CLGN: variants seen among roughly 807,000 people sequenced by gnomAD.
CLGN encodes the protein calmegin.
A neutral mutation model predicts 79.1 loss-of-function variants in CLGN; 62 were observed. That is an observed-to-expected ratio of 0.78 (90% confidence interval 0.64 to 0.97). CLGN has a LOEUF of 0.97. Among genes scored for constraint, CLGN ranks in the 50% least tolerant of loss-of-function variants. The pLI is 0.00. For missense variants in CLGN, 647 were observed against 715.5 expected, an observed-to-expected ratio of 0.90 and a Z score of 1.09; for synonymous variants, 225 against 224.7, an observed-to-expected ratio of 1.00 and a Z score of -0.01.
At position 140,390,727 on chromosome 4, in the gene CLGN, T is replaced by C; in HGVS notation, c.1653A>G (p.Glu551=). ...KQNDGEMLEK[E]EESEPEEKSE... ...TCTTTTCCTCAGGTTCACTTTCCTC[T>C]TCTAGAATACAGATTTTGTTAAAAG... The change falls in exon 14 of 15, where the codon GAA becomes GAG. Residue 551 remains glutamate, a splice_region_variant and synonymous_variant. Coordinates refer to ENST00000325617, the MANE Select transcript of CLGN (RefSeq NM_004362.3). 1 of 1,593,824 alleles carries C rather than the reference T, an allele frequency of 6.3e-7. No individual in the cohort carries two copies. The highest frequency in any genetic ancestry group is 8.6e-7 in the Non-Finnish European group (1 of 1,167,660).
chr4:140,392,162 T>C (rs1560737854), intron 13 of CLGN, 57 bp downstream of exon 13: 7 of 1,567,480 alleles, frequency 4.5e-6, no homozygotes, highest in Admixed American at 1.8e-5. Context: ...CAAGGCCATA[T>C]ACAGTTTTAT....
chr4:140,417,849 T>C (rs1248500533), intron 1 of CLGN, among the ~76,000 whole-genome samples: 1 of 150,160 alleles, frequency 6.7e-6, no homozygotes, highest in Non-Finnish European at 1.5e-5. Flanking sequence ...TGGAAAAAAC[T>C]ACTTTAAAGT....
intron 4 of CLGN, among the ~76,000 whole-genome samples, chr4:140,408,379 A>C (rs1393870387): frequency 1.3e-5 from 2 of 152,218 alleles, no homozygotes; most frequent in Admixed American, 6.5e-5. Flanking sequence ...AATAATCATC[A>C]GAGTAAACAG....
chr4:140,409,098 G>T (rs1189630342), intron 4 of CLGN, among the ~76,000 whole-genome samples: 1 of 151,930 alleles, frequency 6.6e-6, no homozygotes, highest in Admixed American at 6.6e-5. Flanking sequence ...CTGTTTTGCT[G>T]TTGTGATGTA....
intron 6 of CLGN, 41 bp from the exon 7 acceptor site, chr4:140,400,590 A>G: frequency 7.7e-7 from 1 of 1,296,544 alleles, no homozygotes; most frequent in Non-Finnish European, 1.1e-6. Flanking sequence ...CCAGAATCAC[A>G]GACTATTTAA....
In CLGN at chr4:140,393,904, G is replaced by C. The variant is rs765625742; in HGVS notation, c.1287C>G (p.Ile429Met). Residue 429 changes from isoleucine (I) to methionine (M), a missense_variant, in exon 11 of 15, where the codon ATC becomes ATG. Coordinates refer to ENST00000325617, the MANE Select transcript of CLGN (RefSeq NM_004362.3). Reference protein sequence around the residue: ...TSDIYFDNFIICSEKEVADHW... With the variant: ...TSDIYFDNFIMCSEKEVADHW... Reference sequence around the variant, plus strand: ...GATCTGCTACTTCCTTTTCCGAACAGATAATAAAATTATCAAAGTAGATAT... The same window carrying C: ...GATCTGCTACTTCCTTTTCCGAACACATAATAAAATTATCAAAGTAGATAT... 1.2e-6 allele frequency: 2 copies of C among 1,613,640 alleles called. No homozygotes were observed. Among genetic ancestry groups the C allele is most frequent in the East Asian group, 2.2e-5 (1 of 44,794 alleles).
intron 1 of CLGN, among the ~76,000 whole-genome samples, chr4:140,427,255 G>T (rs186798402): frequency 6.6e-6 from 1 of 152,308 alleles, no homozygotes; most frequent in East Asian, 1.9e-4. Flanking sequence ...CCCCAGCCCG[G>T]GCGCAGCAGG....
Position 140,398,913 on chromosome 4 carries a change from T to A in CLGN, c.822A>T (p.Lys274Asn), listed in dbSNP as rs779780602. 2 of 1,613,928 alleles carry A rather than the reference T, an allele frequency of 1.2e-6. No homozygotes were observed. Among genetic ancestry groups the A allele is most frequent in the Non-Finnish European group, 1.7e-6 (2 of 1,179,908 alleles). The change falls in exon 8 of 15, where the codon AAA (lysine) becomes AAT (asparagine). Residue 274 changes from lysine (K) to asparagine (N), a missense_variant. Coordinates refer to ENST00000325617, the MANE Select transcript of CLGN (RefSeq NM_004362.3). ...TTGCTCTTTCATCCCATTCCTCAGG[T>A]TTTTTATCATTGGGATCTTCAATTT... ...PKEIEDPNDKKPEEWDERAKI... is the reference protein window; with the variant it reads ...PKEIEDPNDKNPEEWDERAKI...
intron 7 of CLGN, among the ~76,000 whole-genome samples, 184 bp downstream of exon 7, chr4:140,400,173 A>G (rs1728971379): frequency 6.6e-6 from 1 of 152,174 alleles, no homozygotes; most frequent in Non-Finnish European, 1.5e-5. Context: ...GCTGTGCCTC[A>G]TCTCTCTTTC....
chr4:140,407,500 T>G (rs896625349), intron 4 of CLGN, among the ~76,000 whole-genome samples: 1 of 151,018 alleles, frequency 6.6e-6, no homozygotes, highest in Admixed American at 6.6e-5. Context: ...ACAAAATCAA[T>G]GTACACAAAT....
intron 10 of CLGN, among the ~76,000 whole-genome samples, chr4:140,394,983 G>A (rs370587065): frequency 6.6e-6 from 1 of 151,974 alleles, no homozygotes; most frequent in African/African-American, 2.4e-5. Context: ...TTCGAGACCA[G>A]CCTGACCAAC....
At chr4:140,406,210 C>T (rs907197399) in intron 4 of CLGN, 127 bp from the exon 5 acceptor site, 1 of 812,440 alleles carries the variant, frequency 1.2e-6, no homozygotes, top group Admixed American at 2.9e-5. Flanking sequence ...AATTTTAAAT[C>T]AGGAAATATC....
intron 1 of CLGN, among the ~76,000 whole-genome samples, chr4:140,413,777 G>A (rs1190599808): frequency 6.6e-6 from 1 of 152,240 alleles, no homozygotes; most frequent in African/African-American, 2.4e-5. Context: ...GCGAGGCTGG[G>A]GGAGGGGCGC....
chr4:140,416,689 G>A (rs1439965347), intron 1 of CLGN, among the ~76,000 whole-genome samples: 1 of 151,860 alleles, frequency 6.6e-6, no homozygotes. Flanking sequence ...AACAGGATCT[G>A]AAATTGTGGC....
intron 1 of CLGN, among the ~76,000 whole-genome samples, chr4:140,426,211 C>T (rs552917719): frequency 6.6e-6 from 1 of 152,320 alleles, no homozygotes; most frequent in East Asian, 1.9e-4. Context: ...GTGATAAAAA[C>T]TGCTGTGGGC....
intron 1 of CLGN, among the ~76,000 whole-genome samples, chr4:140,418,098 G>A (rs1276500425): frequency 6.7e-6 from 1 of 150,258 alleles, no homozygotes; most frequent in Admixed American, 6.6e-5. Flanking sequence ...ACAAGCAATG[G>A]GGAAAGGATT....
intron 3 of CLGN, 148 bp downstream of exon 3, chr4:140,410,405 A>G: frequency 1.6e-6 from 1 of 613,408 alleles, no homozygotes; most frequent in South Asian, 2.0e-5. Flanking sequence ...AATTACAAAA[A>G]TATACTAAGT....
chr4:140,409,070 T>G lies in CLGN; in HGVS notation c.277+767A>C, dbSNP rs374904098. On this transcript the variant is annotated intron_variant, in intron 4 of 14. Transcript: ENST00000325617. Reference sequence around the variant, plus strand: ...AAACTATGAAAAGGAAGCAGACAGCTGACATCCAACATGCTATCTGTTTTG... The same window carrying G: ...AAACTATGAAAAGGAAGCAGACAGCGGACATCCAACATGCTATCTGTTTTG... Among the ~76,000 whole-genome samples the G allele has an allele frequency of 3.3e-4, 50 of 152,114 alleles. 1 individual carries two copies. In the East Asian group the frequency reaches 6.9e-3, roughly 21 times the overall value.
In CLGN at chr4:140,405,780, CA is replaced by C. The variant is rs577898756; in HGVS notation, c.419+161del. Reference sequence around the variant, plus strand: ...TCATTTACCTGCTTTTTATTGAAAGCATGGATATGTTTGTGTGTATATGCAC... The same window carrying C: ...TCATTTACCTGCTTTTTATTGAAAGCTGGATATGTTTGTGTGTATATGCAC... On this transcript the variant is annotated intron_variant, in intron 5 of 14. Transcript: ENST00000325617. 3.2e-3 allele frequency among the ~76,000 whole-genome samples: 486 copies of C among 152,182 alleles called. 5 individuals carry two copies. Among genetic ancestry groups the C allele is most frequent in the African/African-American group, 0.011 (459 of 41,526 alleles).
Sources: allele counts gnomAD v4.1 joint callset (sites outside exome capture counted in the v4.1 genomes callset), GRCh38; gene constraint gnomAD v4.1.1; transcripts MANE v1.5; gene names NCBI Gene and HGNC (gene_info 2026-07-23, HGNC 2026-07-21).